Variants in PPP1R14B observed in about 807,000 individuals in gnomAD.
PPP1R14B encodes the protein protein phosphatase 1 regulatory subunit 14B.
In PPP1R14B, 4 loss-of-function variants were observed where a neutral mutation model predicts 14.7. The ratio of observed to expected loss-of-function variants is 0.27; its 90% CI spans 0.13 to 0.62. PPP1R14B has a LOEUF of 0.62. PPP1R14B is among the 20% of genes least tolerant of loss of function. The pLI is 0.85. For missense variants in PPP1R14B, 138 were observed against 201.5 expected, an observed-to-expected ratio of 0.68 and a Z score of 1.91; for synonymous variants, 76 against 87.3, an observed-to-expected ratio of 0.87 and a Z score of 0.72.
rs763749765 is a variant in PPP1R14B at position 64,245,370 on chromosome 11, T to C, written c.259-83A>G. On this transcript the variant is annotated intron_variant, in intron 1 of 3. Transcript: ENST00000309318. Reference sequence around the variant, plus strand: ...GAGAGGGGCTCTGGGTTGAGGCCCCTGCCTACCTCGGAGGAACCCAGCCCT... The same window carrying C: ...GAGAGGGGCTCTGGGTTGAGGCCCCCGCCTACCTCGGAGGAACCCAGCCCT... 2.2e-5 allele frequency: 26 copies of C among 1,200,258 alleles called. No homozygotes were observed. The South Asian group carries it at 3.6e-4, about 16-fold the overall frequency. The allele number at this position is 1,200,258 out of a possible 1,614,324, so 74.4% of individuals were successfully genotyped here. A position where few individuals can be genotyped will look rare whatever the true frequency, so the allele number is the denominator to read the frequency against.
intron 1 of PPP1R14B, 110 bp downstream of exon 1, chr11:64,246,306 G>C: frequency 7.0e-7 from 1 of 1,432,946 alleles, no homozygotes; most frequent in Non-Finnish European, 9.5e-7. Context: ...GGGAGCGCGC[G>C]GGGAAGCAAA....
rs768020340 is a variant in PPP1R14B at position 64,245,005 on chromosome 11, G to A, written c.343-43C>T. ...AGGAAGGATAAGTGAGTCCTCAGGA[G>A]TGGGGGCCTGGAGCTCGCCTATACC... is the stretch of plus-strand genomic sequence containing the variant. On this transcript the variant is annotated intron_variant, in intron 2 of 3. Transcript: ENST00000309318. 5 of 1,578,962 alleles carry A rather than the reference G, an allele frequency of 3.2e-6. No homozygotes were observed. In the South Asian group the frequency reaches 3.4e-5, roughly 11 times the overall value.
At position 64,245,167 on chromosome 11, in the gene PPP1R14B, G is replaced by A. The variant is rs757194145; in HGVS notation, c.342+37C>T. 5.6e-6 allele frequency: 9 copies of A among 1,601,292 alleles called. No individual in the cohort carries two copies. In the East Asian group the frequency reaches 2.0e-4, roughly 36 times the overall value. On this transcript the variant is annotated intron_variant, in intron 2 of 3. Coordinates refer to ENST00000309318, the MANE Select transcript of PPP1R14B (RefSeq NM_138689.3). ...TCCACAGCCTCACTTTCCCGGGGCA[G>A]TGCCTCAGGCAACCCATCGCCCCCC...
At chr11:64,245,349 G>C (rs747607822) in intron 1 of PPP1R14B, 62 bp from the exon 2 acceptor site, 1 of 1,458,090 alleles carries the variant, frequency 6.9e-7, no homozygotes, top group South Asian at 1.2e-5. Context: ...GGGTGTGAGA[G>C]GGGCTCTGGG....
At chr11:64,246,204 T>C (rs2030870812) in intron 1 of PPP1R14B, 1 of 614,722 alleles carries the variant, frequency 1.6e-6, no homozygotes. Flanking sequence ...AGTGGCATGA[T>C]GGGGGGCAGG....
At position 64,244,498 on chromosome 11, in the gene PPP1R14B, A is replaced by G. The variant is rs2030786773; in HGVS notation, c.*256T>C. 2 of 1,103,762 alleles carry G rather than the reference A, an allele frequency of 1.8e-6. No individual in the cohort carries two copies. The highest frequency in any genetic ancestry group is 2.5e-6 in the Non-Finnish European group (2 of 805,954). The allele number at this position is 1,103,762 out of a possible 1,614,324, so 68.4% of individuals were successfully genotyped here. On this transcript the variant is annotated 3_prime_UTR_variant, in exon 4 of 4. Transcript: ENST00000309318. ...AGCCTGTTAGCTGCACCAAAGGCGTATCCTAGCTTTATTAAAGGGCCCGCG... is the reference window on the plus strand; with the variant it reads ...AGCCTGTTAGCTGCACCAAAGGCGTGTCCTAGCTTTATTAAAGGGCCCGCG...
chr11:64,245,314 G>A (rs768887845), intron 1 of PPP1R14B, 27 bp from the exon 2 acceptor site: 10 of 1,588,672 alleles, frequency 6.3e-6, no homozygotes, highest in Non-Finnish European at 7.8e-6. Context: ...GGAGGAGGGA[G>A]AGACATAAGC....
rs980520551 is a variant in PPP1R14B at position 64,246,435 on chromosome 11, G to A, written c.239C>T (p.Thr80Met). ...ACACACCTGGCAGTCGTAGAGGCGC[G>A]TGAGCTGCTCCAGGATCCACTCCTC... ...NLEEWILEQL[T>M]RLYDCQEEEI... Residue 80 changes from threonine (T) to methionine (M), a missense_variant, in exon 1 of 4, where the codon ACG (threonine) becomes ATG (methionine). Around this residue, in one of 3 missense-constraint regions of PPP1R14B, gnomAD observed 84 missense variants for 137.5 expected, o/e 0.61. Transcript: ENST00000309318. 1.9e-6 allele frequency: 3 copies of A among 1,608,618 alleles called. No homozygotes were observed. Among genetic ancestry groups the A allele is most frequent in the Non-Finnish European group, 2.5e-6 (3 of 1,178,496 alleles).
chr11:64,245,044 CTG>C (rs2030820333), intron 2 of PPP1R14B, 82 bp from the exon 3 acceptor site: 3 of 1,486,110 alleles, frequency 2.0e-6, no homozygotes, highest in African/African-American at 1.4e-5. Context: ...TTCCAAGAGA[CTG>C]GGGCCACCCT....
At position 64,244,837 on chromosome 11, in the gene PPP1R14B, A is replaced by G; in HGVS notation, c.376-15T>C. On this transcript the variant is annotated splice_polypyrimidine_tract_variant and intron_variant, in intron 3 of 3. Coordinates refer to ENST00000309318, the MANE Select transcript of PPP1R14B (RefSeq NM_138689.3). ...GAAATGAAGGCCTGGATGGGGTGGG[A>G]GGGTAAACATTAAGGAGACCAGACC... The G allele has an allele frequency of 6.2e-7, 1 of 1,613,984 alleles. No individual in the cohort carries two copies. Among genetic ancestry groups the G allele is most frequent in the Non-Finnish European group, 8.5e-7 (1 of 1,179,958 alleles).
chr11:64,246,144 G>A, intron 1 of PPP1R14B: 1 of 472,672 alleles, frequency 2.1e-6, no homozygotes, highest in South Asian at 2.8e-5. Context: ...CTTGCCCAAG[G>A]CTCAGGCTAC....
intron 1 of PPP1R14B, 114 bp downstream of exon 1, chr11:64,246,302 G>A (rs1231784041): frequency 1.4e-6 from 2 of 1,404,382 alleles, no homozygotes; most frequent in Non-Finnish European, 1.9e-6. Context: ...GGAGGGGAGC[G>A]CGCGGGGAAG....
Position 64,246,408 on chromosome 11 carries a change from G to A in PPP1R14B, c.258+8C>T. The A allele has an allele frequency of 6.2e-7, 1 of 1,605,274 alleles. No individual in the cohort carries two copies. Among genetic ancestry groups the A allele is most frequent in the South Asian group, 1.1e-5 (1 of 89,826 alleles). ...ATTTTGGGGTGTCGGCGCGGGGTGG[G>A]AACACACCTGGCAGTCGTAGAGGCG... is the stretch of plus-strand genomic sequence containing the variant. On this transcript the variant is annotated splice_region_variant and intron_variant, in intron 1 of 3. Transcript: ENST00000309318.
At position 64,246,578 on chromosome 11, in the gene PPP1R14B, G is replaced by T. The variant is rs765161994; in HGVS notation, c.96C>A (p.Ser32Arg). 3 of 1,601,556 alleles carry T rather than the reference G, an allele frequency of 1.9e-6. No individual in the cohort carries two copies. Among genetic ancestry groups the T allele is most frequent in the South Asian group, 2.2e-5 (2 of 89,744 alleles). Residue 32 changes from serine to arginine, a missense_variant, in exon 1 of 4, where the codon AGC (serine) becomes AGA (arginine). Physicochemically the swap from Ser to Arg is moderately radical, Grantham distance 110 (BLOSUM62 -1). Around this residue, in one of 3 missense-constraint regions of PPP1R14B, gnomAD observed 32 missense variants for 18.1 expected, o/e 1.77. Coordinates refer to ENST00000309318, the MANE Select transcript of PPP1R14B (RefSeq NM_138689.3). Reference protein sequence around the residue: ...GGPGPRVYFQSPPGAAGEGPG... With the variant: ...GGPGPRVYFQRPPGAAGEGPG... ...GGCCCTCTCCTGCGGCCCCGGGGGG[G>T]CTCTGAAAGTAGACGCGTGGTCCTG...
At chr11:64,245,130 TGAG>T (rs1374591584) in intron 2 of PPP1R14B, 71 bp downstream of exon 2, 1 of 1,543,046 alleles carries the variant, frequency 6.5e-7, no homozygotes, top group Non-Finnish European at 8.9e-7. Context: ...AGCTGGGGCT[TGAG>T]GGCCTGGCTC....
At chr11:64,244,873 A>G (rs2030805907) in intron 3 of PPP1R14B, 51 bp from the exon 4 acceptor site, 2 of 1,612,830 alleles carry the variant, frequency 1.2e-6, no homozygotes, top group Non-Finnish European at 1.7e-6. Flanking sequence ...CCAAGATGAC[A>G]GGAGCCGGGC....
Position 64,244,603 on chromosome 11 carries a change from G to A in PPP1R14B, c.*151C>T. On this transcript the variant is annotated 3_prime_UTR_variant, in exon 4 of 4. Transcript: ENST00000309318. Reference sequence around the variant, plus strand: ...AACCCCAAAAGTGGAAAACTGAGGGGGCAGGGGAAGAGACCCCTGGGCCAG... The same window carrying A: ...AACCCCAAAAGTGGAAAACTGAGGGAGCAGGGGAAGAGACCCCTGGGCCAG... 1 of 1,423,044 alleles carries A rather than the reference G, an allele frequency of 7.0e-7. No individual in the cohort carries two copies. The highest frequency in any genetic ancestry group is 9.4e-7 in the Non-Finnish European group (1 of 1,061,230). 88.2% of individuals were successfully genotyped at this position (1,423,044 alleles called of 1,614,324 possible). A position where few individuals can be genotyped will look rare whatever the true frequency, so the allele number is the denominator to read the frequency against.
At position 64,244,657 on chromosome 11, in the gene PPP1R14B, A is replaced by G; in HGVS notation, c.*97T>C. 1 of 1,554,446 alleles carries G rather than the reference A, an allele frequency of 6.4e-7. No homozygotes were observed. The highest frequency in any genetic ancestry group is 1.2e-5 in the South Asian group (1 of 86,620). ...CACGAGGAGCCCTGCTCATGGCACC[A>G]GGCCTGGCCGCAGGGTCCCCCGGTA... On this transcript the variant is annotated 3_prime_UTR_variant, in exon 4 of 4. Transcript: ENST00000309318.
At position 64,245,186 on chromosome 11, in the gene PPP1R14B, G is replaced by GC. The variant is rs765980688; in HGVS notation, c.342+17dup. 1.6e-5 allele frequency: 25 copies of GC among 1,608,138 alleles called. No homozygotes were observed. The highest frequency in any genetic ancestry group is 4.5e-5 in the East Asian group (2 of 44,668). On this transcript the variant is annotated intron_variant, in intron 2 of 3. Coordinates refer to ENST00000309318, the MANE Select transcript of PPP1R14B (RefSeq NM_138689.3). ...GGGGCAGTGCCTCAGGCAACCCATC[G>GC]CCCCCCAGCCCCCTCACCTTGACCC...
Sources: gnomAD v4.1 joint callset for allele counts on GRCh38, gnomAD v4.1.1 for gene constraint, gnomAD v4.1.1 regional missense constraint, MANE v1.5 for transcripts, NCBI Gene and HGNC (gene_info 2026-07-23, HGNC 2026-07-21) for gene names.